The following SLC4A7 variants were observed in gnomAD, a reference collection of about 807,000 sequenced individuals.
SLC4A7 encodes the protein solute carrier family 4 member 7, also known as sodium bicarbonate cotransporter 3.
SLC4A7 carries 51 observed loss-of-function variants against 137.6 expected under a neutral mutation model. The ratio of observed to expected loss-of-function variants is 0.37; its 90% CI spans 0.30 to 0.47. The LOEUF (loss-of-function observed/expected upper bound fraction) is 0.47. Ranked by LOEUF, SLC4A7 falls within the 20% of genes least tolerant of loss-of-function variation. The pLI, the probability that SLC4A7 is intolerant of heterozygous loss-of-function variation, is 1.00. For synonymous variants in SLC4A7, 542 were observed against 518.6 expected (o/e 1.05, Z -0.61); for missense variants, 1,247 against 1,525.4 (o/e 0.82, Z 3.04).
chr3:27,448,664 T>A lies in SLC4A7; in HGVS notation c.276A>T (p.Glu92Asp). 6.2e-7 allele frequency: 1 copy of A among 1,611,696 alleles called. No individual in the cohort carries two copies. Among genetic ancestry groups the A allele is most frequent in the Non-Finnish European group, 8.5e-7 (1 of 1,178,870 alleles). ...GTTTTCTCTTACCATAAGAAGGAGA[T>A]TCCCGTCCATCTTCTTTATCTGATT... ...DKESDKEDGR[E>D]SPSYDTPSQR... Residue 92 changes from glutamate (E) to aspartate (D), a missense_variant, in exon 3 of 26, where the codon GAA becomes GAT. Physicochemically the swap from Glu to Asp is conservative, Grantham distance 45 (BLOSUM62 2). Around this residue, in one of 6 missense-constraint regions of SLC4A7, gnomAD observed 176 missense variants for 186.4 expected, o/e 0.94. Coordinates refer to ENST00000454389, the MANE Select transcript of SLC4A7 (RefSeq NM_001321103.2).
chr3:27,431,642 GA>G lies in SLC4A7; in HGVS notation c.805del (p.Ser269LeufsTer13). ...NGEGLSASRH[S>X]LRTGLSASNL... is the part of the protein sequence containing the mutation. ...TGAGGCAGACAGACCTGTTCGCAAA[GA>G]GTGGCGGGAGGCTGAAAGGCCTTCC... On this transcript the variant is annotated frameshift_variant, in exon 7 of 26. Coordinates refer to ENST00000454389, the MANE Select transcript of SLC4A7 (RefSeq NM_001321103.2). LOFTEE classifies it high-confidence loss of function. 1.3e-6 allele frequency: 2 copies of G among 1,588,350 alleles called. No homozygotes were observed. Among genetic ancestry groups the G allele is most frequent in the Non-Finnish European group, 1.7e-6 (2 of 1,167,034 alleles).
Position 27,376,843 on chromosome 3 carries a change from G to T in SLC4A7, c.3701C>A (p.Pro1234His), listed in dbSNP as rs200897110. 24 of 1,514,352 alleles carry T rather than the reference G, an allele frequency of 1.6e-5. No individual in the cohort carries two copies. The East Asian group carries it at 5.1e-4, about 32-fold the overall frequency. 93.8% of individuals were successfully genotyped at this position (1,514,352 alleles called of 1,614,324 possible). ...TATTTTCACACTCACAGGTTTATCA[G>T]GACTATTTAAAACAAAGAATTAAAA... ...NAKVTRSNMSPDKPVSVKISF... is the reference protein window; with the variant it reads ...NAKVTRSNMSHDKPVSVKISF... The change falls in exon 26 of 26, where the codon CCT (proline) becomes CAT (histidine). Residue 1234 changes from proline (P) to histidine (H), a missense_variant and splice_region_variant. By Grantham distance (77) the Pro-to-His change is moderately conservative. Transcript: ENST00000454389.
At chr3:27,451,242 T>G (rs1313683458) in intron 2 of SLC4A7, among the ~76,000 whole-genome samples, 2 of 152,090 alleles carry the variant, frequency 1.3e-5, no homozygotes, top group Non-Finnish European at 1.5e-5. Flanking sequence ...CTCTTTTTTA[T>G]TAAAATAAAC....
intron 23 of SLC4A7, among the ~76,000 whole-genome samples, 168 bp downstream of exon 23, chr3:27,385,724 T>G (rs1047975841): frequency 6.6e-6 from 1 of 152,158 alleles, no homozygotes; most frequent in African/African-American, 2.4e-5. Context: ...CTCTGCCTGC[T>G]TCCTCATTTA....
At chr3:27,424,008 T>G in intron 8 of SLC4A7, 29 bp downstream of exon 8, 2 of 1,233,310 alleles carry the variant, frequency 1.6e-6, no homozygotes, top group Non-Finnish European at 2.4e-6. Flanking sequence ...AGAATAATTA[T>G]GAGAATTTTC....
At chr3:27,410,329 T>C (rs1427881552) in intron 12 of SLC4A7, among the ~76,000 whole-genome samples, 2 of 152,124 alleles carry the variant, frequency 1.3e-5, no homozygotes, top group Admixed American at 6.6e-5. Context: ...ACCTGGGAAA[T>C]AGTAGGCACT....
At chr3:27,432,031 A>G (rs2056350700) in intron 6 of SLC4A7, among the ~76,000 whole-genome samples, 1 of 152,240 alleles carries the variant, frequency 6.6e-6, no homozygotes. Context: ...TACACAATTA[A>G]TATAACTCAA....
chr3:27,391,193 A>C (rs1011854936), intron 21 of SLC4A7, among the ~76,000 whole-genome samples: 1 of 152,232 alleles, frequency 6.6e-6, no homozygotes, highest in South Asian at 2.1e-4. Context: ...CCCAGTAACT[A>C]TTAAAACAAA....
intron 1 of SLC4A7, among the ~76,000 whole-genome samples, chr3:27,459,986 T>TAC (rs752496985): frequency 1.1e-3 from 146 of 131,394 alleles, no homozygotes; most frequent in African/African-American, 2.8e-3. Context: ...TATATATATA[T>TAC]ATATACACAC....
rs373728073 is a variant in SLC4A7 at position 27,424,045 on chromosome 3, A to G, written c.1258T>C (p.Phe420Leu). 2.6e-6 allele frequency: 4 copies of G among 1,542,434 alleles called. No homozygotes were observed. The South Asian group carries it at 3.4e-5, about 13-fold the overall frequency. Residue 420 changes from phenylalanine (F) to leucine (L), a missense_variant, in exon 8 of 26, where the codon TTC (phenylalanine) becomes CTC (leucine). By Grantham distance (22) the Phe-to-Leu change is conservative. Transcript: ENST00000454389. Reference sequence around the variant, plus strand: ...GTTAATGATAGAATTACCTTGCTGAAGTCAACAGTACTATTTTCTCTGCTT... The same window carrying G: ...GTTAATGATAGAATTACCTTGCTGAGGTCAACAGTACTATTTTCTCTGCTT... ...GGSRENSTVD[F>L]SKVDMNFMRK...
chr3:27,397,837 C>T (rs540120591), intron 17 of SLC4A7, 40 bp from the exon 18 acceptor site: 4 of 1,101,974 alleles, frequency 3.6e-6, no homozygotes, highest in Admixed American at 2.1e-5. Context: ...CACAGAAATA[C>T]TATGTGTTCT....
At chr3:27,469,969 T>C (rs2059167893) in intron 1 of SLC4A7, among the ~76,000 whole-genome samples, 1 of 152,184 alleles carries the variant, frequency 6.6e-6, no homozygotes, top group Admixed American at 6.5e-5. Flanking sequence ...AAATAAATAC[T>C]TGCCTTCTTT....
chr3:27,403,976 G>T (rs2053067838), intron 14 of SLC4A7, among the ~76,000 whole-genome samples: 1 of 152,192 alleles, frequency 6.6e-6, no homozygotes, highest in Non-Finnish European at 1.5e-5. Context: ...AGCTTGTTTA[G>T]TGAGTACAGA....
Position 27,394,547 on chromosome 3 carries a change from G to A in SLC4A7, c.3088C>T (p.Leu1030Phe). The change falls in exon 20 of 26, where the codon CTC becomes TTC. Residue 1030 changes from leucine to phenylalanine, a missense_variant. Physicochemically the swap from Leu to Phe is conservative, Grantham distance 22. Transcript: ENST00000454389. ...AGGACTGAAGTCATGAACACAGAGAGGCCCATTAGAATAAAAATCATTAGC... is the reference window on the plus strand; with the variant it reads ...AGGACTGAAGTCATGAACACAGAGAAGCCCATTAGAATAAAAATCATTAGC... ...TGLMIFILMG[L>F]SVFMTSVLKF... is the part of the protein sequence containing the mutation. The A allele has an allele frequency of 6.2e-7, 1 of 1,613,994 alleles. No homozygotes were observed. The highest frequency in any genetic ancestry group is 1.3e-5 in the African/African-American group (1 of 75,026).
At chr3:27,389,893 T>A in intron 22 of SLC4A7, 38 bp downstream of exon 22, 3 of 1,466,488 alleles carry the variant, frequency 2.0e-6, no homozygotes, top group Non-Finnish European at 2.8e-6. Context: ...GTAAACATAT[T>A]ATTAATTAGT....
intron 1 of SLC4A7, among the ~76,000 whole-genome samples, chr3:27,477,752 T>C (rs1289423288): frequency 1.3e-5 from 2 of 152,068 alleles, no homozygotes. Flanking sequence ...GTAGCTGGGA[T>C]TACAGGCGCA....
At chr3:27,439,328 A>G (rs998340857) in intron 3 of SLC4A7, among the ~76,000 whole-genome samples, 14 of 151,478 alleles carry the variant, frequency 9.2e-5, no homozygotes, top group African/African-American at 3.4e-4. Context: ...TATAAAAAAC[A>G]TATCTGAAAA....
At chr3:27,482,037 G>A (rs1270987152) in intron 1 of SLC4A7, among the ~76,000 whole-genome samples, 2 of 152,132 alleles carry the variant, frequency 1.3e-5, no homozygotes, top group African/African-American at 4.8e-5. Context: ...GGAGGCTGAG[G>A]CCGAAGAATC....
chr3:27,436,631 C>T (rs1576450858), intron 4 of SLC4A7, 83 bp from the exon 5 acceptor site: 1 of 769,452 alleles, frequency 1.3e-6, no homozygotes, highest in Non-Finnish European at 1.9e-6. Context: ...AACATTTGTT[C>T]TTTAAAGAAA....
Sources: allele counts gnomAD v4.1 joint callset (sites outside exome capture counted in the v4.1 genomes callset), GRCh38; gene constraint gnomAD v4.1.1; regional missense constraint gnomAD v4.1.1; transcripts MANE v1.5; gene names NCBI Gene and HGNC (gene_info 2026-07-23, HGNC 2026-07-21).